NXPH4: variants seen among roughly 807,000 people sequenced by gnomAD.
NXPH4 encodes neurexophilin-4.
NXPH4 carries 8 observed loss-of-function variants against 21.3 expected under a neutral mutation model. The ratio of observed to expected loss-of-function variants is 0.38; its 90% CI spans 0.22 to 0.68. The LOEUF (loss-of-function observed/expected upper bound fraction) is 0.68, where lower values mean the gene tolerates loss of function less well. NXPH4 is among the 30% of genes least tolerant of loss of function. The pLI, the probability that NXPH4 is intolerant of heterozygous loss-of-function variation, is 0.53. For missense variants in NXPH4, 418 were observed against 416.8 expected (o/e 1.00, Z -0.03); for synonymous variants, 219 against 192.6 (o/e 1.14, Z -1.13).
intron 1 of NXPH4, 105 bp downstream of exon 1, chr12:57,217,131 G>A: frequency 2.8e-6 from 3 of 1,069,834 alleles, no homozygotes; most frequent in Non-Finnish European, 4.0e-6. Context: ...CCAGCTCCGA[G>A]CGTCCCAACT....
chr12:57,225,462 G>T lies in NXPH4; in HGVS notation c.642G>T (p.Gly214=), dbSNP rs754691976. 4.4e-6 allele frequency: 7 copies of T among 1,599,790 alleles called. No homozygotes were observed. In the South Asian group the frequency reaches 6.6e-5, roughly 15 times the overall value. ...LGGSLGGALA[G]PLGGALGVPG... ...GCTCCCTCGGGGGCGCACTGGCGGG[G>T]CCGCTTGGGGGCGCGTTGGGAGTGC... Residue 214 remains glycine (G), a synonymous_variant, in exon 2 of 2, where the codon GGG becomes GGT. Coordinates refer to ENST00000349394, the MANE Select transcript of NXPH4 (RefSeq NM_007224.4).
At chr12:57,221,858 C>T (rs2037095113) in intron 1 of NXPH4, among the ~76,000 whole-genome samples, 1 of 152,196 alleles carries the variant, frequency 6.6e-6, no homozygotes, top group Non-Finnish European at 1.5e-5. Flanking sequence ...CCCCACCTCC[C>T]CCCATGTTGC....
chr12:57,217,176 C>A (rs1349735739), intron 1 of NXPH4, 150 bp downstream of exon 1: 2 of 696,676 alleles, frequency 2.9e-6, no homozygotes, highest in South Asian at 1.8e-5. Context: ...AGACAGACTG[C>A]CCGATTCAGG....
At chr12:57,224,156 C>T (rs1396552996) in intron 1 of NXPH4, among the ~76,000 whole-genome samples, 1 of 151,800 alleles carries the variant, frequency 6.6e-6, no homozygotes, top group Admixed American at 6.6e-5. Flanking sequence ...GAGGGAGTCT[C>T]GCTCTGTCGC....
At chr12:57,217,531 C>T (rs2037052442) in intron 1 of NXPH4, among the ~76,000 whole-genome samples, 1 of 152,208 alleles carries the variant, frequency 6.6e-6, no homozygotes, top group Non-Finnish European at 1.5e-5. Flanking sequence ...CAGGCAGACA[C>T]GGCTGAACTT....
rs1343901337 is a variant in NXPH4, at chr12:57,216,966, G to A, written c.-4G>A. On this transcript the variant is annotated 5_prime_UTR_variant, in exon 1 of 2. Coordinates refer to ENST00000349394, the MANE Select transcript of NXPH4 (RefSeq NM_007224.4). This position sits in a 1 kb window ranked among gnomAD's most constrained non-coding sequence, Gnocchi z 5.3. ...CAGCCTGCCCCGCTCAGCCGCCAGA[G>A]AAGATGCGGCTGCTCCCGGAATGGT... The A allele has an allele frequency of 6.3e-7, 1 of 1,597,790 alleles. No individual in the cohort carries two copies. Among genetic ancestry groups the A allele is most frequent in the Non-Finnish European group, 8.5e-7 (1 of 1,172,748 alleles).
chr12:57,225,165 G>T lies in NXPH4; in HGVS notation c.345G>T (p.Val115=), dbSNP rs2037130072. 4 of 1,587,718 alleles carry T rather than the reference G, an allele frequency of 2.5e-6. No individual in the cohort carries two copies. The highest frequency in any genetic ancestry group is 2.7e-5 in the African/African-American group (2 of 73,804). Residue 115 remains valine, a synonymous_variant, in exon 2 of 2, where the codon GTG becomes GTT. Transcript: ENST00000349394. The part of the protein sequence containing the change: ...IFGWGDFYFR[V]HTLKFSLLVT... ...GCTGGGGGGACTTCTACTTTCGGGT[G>T]CATACCCTCAAGTTTTCGCTGCTGG...
Position 57,224,988 on chromosome 12 carries a change from G to T in NXPH4, c.168G>T (p.Ser56=), listed in dbSNP as rs1161878573. 4.1e-6 allele frequency: 6 copies of T among 1,462,432 alleles called. No individual in the cohort carries two copies. The highest frequency in any genetic ancestry group is 1.5e-5 in the African/African-American group (1 of 67,882). 90.6% of individuals were successfully genotyped at this position (1,462,432 alleles called of 1,614,324 possible). Residue 56 remains serine (S), a synonymous_variant, in exon 2 of 2, where the codon TCG becomes TCT. Transcript: ENST00000349394. ...AGCAGCTCCCAGAGCCAAGGTCTTC[G>T]GACGGCCTAGGCGTGGGCCGCGCCT... is the stretch of plus-strand genomic sequence containing the variant. ...PGQQLPEPRS[S]DGLGVGRAWS...
At position 57,216,826 on chromosome 12, in the gene NXPH4, G is replaced by C. The variant is rs1354321113; in HGVS notation, c.-144G>C. ...GCTCCGCGCCTCGCGCCCAGTCCGC[G>C]GGCCGCGCCGCCGCTCCCGCCGCTC... On this transcript the variant is annotated 5_prime_UTR_variant, in exon 1 of 2. Coordinates refer to ENST00000349394, the MANE Select transcript of NXPH4 (RefSeq NM_007224.4). The surrounding 1 kb of genome is among the most constrained non-coding windows in gnomAD (Gnocchi z 5.3). The C allele has an allele frequency of 3.7e-6, 1 of 272,914 alleles. No individual in the cohort carries two copies. Among genetic ancestry groups the C allele is most frequent in the Non-Finnish European group, 4.7e-6 (1 of 214,452 alleles). 16.9% of individuals were successfully genotyped at this position (272,914 alleles called of 1,614,324 possible). A position where few individuals can be genotyped will look rare whatever the true frequency, so the allele number is the denominator to read the frequency against.
chr12:57,218,019 C>T (rs955310584), intron 1 of NXPH4, among the ~76,000 whole-genome samples: 9 of 152,292 alleles, frequency 5.9e-5, no homozygotes, highest in African/African-American at 1.9e-4. Flanking sequence ...GGGCCCAGGC[C>T]CCAGTCCCCC....
At position 57,224,913 on chromosome 12, in the gene NXPH4, G is replaced by A; in HGVS notation, c.93G>A (p.Pro31=). The A allele has an allele frequency of 1.6e-6, 2 of 1,249,488 alleles. No homozygotes were observed. The highest frequency in any genetic ancestry group is 3.0e-5 in the Admixed American group (1 of 33,496). 77.4% of individuals were successfully genotyped at this position (1,249,488 alleles called of 1,614,324 possible). ...VSAQIPESGR[P]QYLGLRPAAA... is the part of the protein sequence containing the mutation. The stretch of plus-strand genomic sequence containing the variant: ...CCCAGATACCAGAGTCCGGAAGGCC[G>A]CAGTACCTGGGGCTGCGCCCCGCCG... Residue 31 remains proline (P), a synonymous_variant, in exon 2 of 2, where the codon CCG becomes CCA. Coordinates refer to ENST00000349394, the MANE Select transcript of NXPH4 (RefSeq NM_007224.4).
At position 57,226,361 on chromosome 12, in the gene NXPH4, C is replaced by T. The variant is rs115623325; in HGVS notation, c.*614C>T. The T allele has an allele frequency of 3.6e-3, 735 of 201,550 alleles. 5 individuals are homozygous for T. The highest frequency in any genetic ancestry group is 0.016 in the African/African-American group (698 of 43,146). 12.5% of individuals were successfully genotyped at this position (201,550 alleles called of 1,614,324 possible). A position where few individuals can be genotyped will look rare whatever the true frequency, so the allele number is the denominator to read the frequency against. On this transcript the variant is annotated 3_prime_UTR_variant, in exon 2 of 2. Coordinates refer to ENST00000349394, the MANE Select transcript of NXPH4 (RefSeq NM_007224.4). ...TCCAGTCCAGGCAGTCGAGCTCCAC[C>T]TGCCCTCTCCTGCTGCTTCCTCTCG...
rs2037144139 is a variant in NXPH4 at position 57,225,961 on chromosome 12, C to A, written c.*214C>A. On this transcript the variant is annotated 3_prime_UTR_variant, in exon 2 of 2. Transcript: ENST00000349394. ...GGCTGGGGTAGCCCCCTCCAGTACA[C>A]CCCAAAGTGAAAGGGATAAGAGTGC... 2 of 1,422,760 alleles carry A rather than the reference C, an allele frequency of 1.4e-6. No homozygotes were observed. The highest frequency in any genetic ancestry group is 1.8e-6 in the Non-Finnish European group (2 of 1,089,838). The allele number at this position is 1,422,760 out of a possible 1,614,324, so 88.1% of individuals were successfully genotyped here.
In NXPH4 at chr12:57,225,163, G is replaced by A. The variant is rs189666062; in HGVS notation, c.343G>A (p.Val115Met). ...CGGCTGGGGGGACTTCTACTTTCGG[G>A]TGCATACCCTCAAGTTTTCGCTGCT... Reference protein sequence around the residue: ...IFGWGDFYFRVHTLKFSLLVT... With the variant: ...IFGWGDFYFRMHTLKFSLLVT... Residue 115 changes from valine to methionine, a missense_variant, in exon 2 of 2, where the codon GTG becomes ATG. Physicochemically the swap from Val to Met is conservative, Grantham distance 21. Coordinates refer to ENST00000349394, the MANE Select transcript of NXPH4 (RefSeq NM_007224.4). 1.3e-6 allele frequency: 2 copies of A among 1,586,774 alleles called. No individual in the cohort carries two copies. The highest frequency in any genetic ancestry group is 1.4e-5 in the African/African-American group (1 of 73,652).
chr12:57,225,314 G>A lies in NXPH4; in HGVS notation c.494G>A (p.Gly165Glu), dbSNP rs770678121. The A allele has an allele frequency of 3.7e-5, 57 of 1,557,286 alleles. No homozygotes were observed. The highest frequency in any genetic ancestry group is 4.3e-6 in the Non-Finnish European group (5 of 1,153,690). Residue 165 changes from glycine to glutamate, a missense_variant, in exon 2 of 2, where the codon GGA becomes GAA. Transcript: ENST00000349394. ...VPPSKRVEFG[G>E]VWLPGPVPHP... ...CCCTCCAAGCGTGTCGAGTTCGGAG[G>A]AGTCTGGCTGCCCGGGCCTGTCCCC... is the stretch of plus-strand genomic sequence containing the variant.
Position 57,216,845 on chromosome 12 carries a change from GCCGCTCCC to G in NXPH4, c.-124_-117del. 2.7e-6 allele frequency: 1 copy of G among 363,768 alleles called. No homozygotes were observed. Among genetic ancestry groups the G allele is most frequent in the South Asian group, 1.1e-4 (1 of 9,388 alleles). 22.5% of individuals were successfully genotyped at this position (363,768 alleles called of 1,614,324 possible). The stretch of plus-strand genomic sequence containing the variant: ...GTCCGCGGGCCGCGCCGCCGCTCCC[GCCGCTCCC>G]GCCGCTCCCGCCGCTCCCGCAGCCG... On this transcript the variant is annotated 5_prime_UTR_variant, in exon 1 of 2. Coordinates refer to ENST00000349394, the MANE Select transcript of NXPH4 (RefSeq NM_007224.4). The surrounding 1 kb of genome is among the most constrained non-coding windows in gnomAD (Gnocchi z 5.3).
Position 57,225,956 on chromosome 12 carries a change from G to A in NXPH4, c.*209G>A. 7.0e-7 allele frequency: 1 copy of A among 1,428,448 alleles called. No individual in the cohort carries two copies. The highest frequency in any genetic ancestry group is 9.1e-7 in the Non-Finnish European group (1 of 1,094,588). The allele number at this position is 1,428,448 out of a possible 1,614,324, so 88.5% of individuals were successfully genotyped here. A position where few individuals can be genotyped will look rare whatever the true frequency, so the allele number is the denominator to read the frequency against. ...CGCAAGGCTGGGGTAGCCCCCTCCA[G>A]TACACCCCAAAGTGAAAGGGATAAG... is the stretch of plus-strand genomic sequence containing the variant. On this transcript the variant is annotated 3_prime_UTR_variant, in exon 2 of 2. Transcript: ENST00000349394.
At chr12:57,223,419 G>A (rs1470202077) in intron 1 of NXPH4, among the ~76,000 whole-genome samples, 2 of 151,922 alleles carry the variant, frequency 1.3e-5, no homozygotes, top group African/African-American at 4.8e-5. Context: ...ATGCAGCCAC[G>A]ACAAGCAGCC....
Position 57,226,026 on chromosome 12 carries a change from C to A in NXPH4, c.*279C>A. The A allele has an allele frequency of 1.9e-6, 2 of 1,031,866 alleles. No individual in the cohort carries two copies. Among genetic ancestry groups the A allele is most frequent in the Non-Finnish European group, 2.7e-6 (2 of 747,972 alleles). 63.9% of individuals were successfully genotyped at this position (1,031,866 alleles called of 1,614,324 possible). On this transcript the variant is annotated 3_prime_UTR_variant, in exon 2 of 2. Transcript: ENST00000349394. The stretch of plus-strand genomic sequence containing the variant: ...CGGGGCTTGGAGGCGGTCCCAATGT[C>A]CCCTGGGTCCACAGTGGGTCCCCTT...
Sources: allele counts gnomAD v4.1 joint callset (sites outside exome capture counted in the v4.1 genomes callset), GRCh38; gene constraint gnomAD v4.1.1; non-coding constraint Gnocchi (gnomAD v3.1); transcripts MANE v1.5; gene names NCBI Gene and HGNC (gene_info 2026-07-23, HGNC 2026-07-21).